The following TMCC1 variants were observed in gnomAD, a reference collection of about 807,000 sequenced individuals.
TMCC1 encodes the protein transmembrane and coiled-coil domains protein 1.
Under a neutral mutation model 52.4 loss-of-function variants are expected in TMCC1, and 15 were observed. The observed-to-expected ratio is 0.29, with a 90% CI of 0.19 to 0.44. The LOEUF is 0.44. Among genes scored for constraint, TMCC1 ranks in the 20% least tolerant of loss-of-function variants. The pLI is 1.00. For missense variants in TMCC1, 503 were observed against 806.0 expected (o/e 0.62, Z 4.55); for synonymous variants, 279 against 301.9 (o/e 0.92, Z 0.79).
In TMCC1 at chr3:129,891,070, T is replaced by A. The variant is rs112953323; in HGVS notation, c.-435+2424A>T. Among the ~76,000 whole-genome samples the A allele has an allele frequency of 4.4e-4, 67 of 152,372 alleles. 2 individuals carry two copies. The highest frequency in any genetic ancestry group is 1.5e-3 in the African/African-American group (63 of 41,592). ...CACTGGAAAACAAGAGCAGCTCATC[T>A]GCACCTGCAGACCTTTGCACTCACT... On this transcript the variant is annotated intron_variant, in intron 1 of 6. Coordinates refer to ENST00000393238, the MANE Select transcript of TMCC1 (RefSeq NM_001017395.5).
At chr3:129,793,752 T>C (rs922821367) in intron 4 of TMCC1, among the ~76,000 whole-genome samples, 8 of 152,220 alleles carry the variant, frequency 5.3e-5, no homozygotes, top group African/African-American at 9.6e-5. Flanking sequence ...GCTGCACACA[T>C]GGAACCTGCT....
chr3:129,849,830 GTA>G (rs890765549), intron 2 of TMCC1, among the ~76,000 whole-genome samples: 1 of 151,010 alleles, frequency 6.6e-6, no homozygotes, highest in Non-Finnish European at 1.5e-5. Flanking sequence ...ATACACCCAT[GTA>G]TATATATGTA....
chr3:129,853,042 T>C (rs1197782812), intron 2 of TMCC1, among the ~76,000 whole-genome samples: 8 of 152,186 alleles, frequency 5.3e-5, no homozygotes, highest in Admixed American at 5.2e-4. Context: ...AAACAGCATT[T>C]CTGGGAAGCA....
intron 2 of TMCC1, among the ~76,000 whole-genome samples, chr3:129,876,286 CAAAAAAAAAAAAA>C (rs61167884): frequency 0.39 from 35,411 of 91,090 alleles, 6,803 homozygotes; most frequent in East Asian, 0.65. Flanking sequence ...ATGCCTGGCT[CAAAAAAAAAAAAA>C]AAAAAAAGAA....
At chr3:129,809,328 A>G (rs747514328) in intron 4 of TMCC1, among the ~76,000 whole-genome samples, 2 of 152,128 alleles carry the variant, frequency 1.3e-5, no homozygotes, top group Admixed American at 1.3e-4. Flanking sequence ...AACATTTAAA[A>G]TAGAAGATTC....
chr3:129,859,901 T>C (rs1560565838), intron 2 of TMCC1, among the ~76,000 whole-genome samples: 1 of 152,098 alleles, frequency 6.6e-6, no homozygotes, highest in Non-Finnish European at 1.5e-5. Context: ...TAGCATACCA[T>C]AATCCAGCCT....
chr3:129,767,138 G>A (rs2054189642), intron 4 of TMCC1, among the ~76,000 whole-genome samples: 1 of 151,720 alleles, frequency 6.6e-6, no homozygotes, highest in South Asian at 2.1e-4. Flanking sequence ...GTTGGGGCCT[G>A]TAATCCCAGC....
At chr3:129,885,097 C>T (rs2061632153) in intron 1 of TMCC1, among the ~76,000 whole-genome samples, 1 of 151,774 alleles carries the variant, frequency 6.6e-6, no homozygotes, top group Admixed American at 6.6e-5. Context: ...TTTGATTGCA[C>T]CACTGCACTC....
chr3:129,704,784 A>G (rs1432139975), intron 4 of TMCC1, among the ~76,000 whole-genome samples: 1 of 152,154 alleles, frequency 6.6e-6, no homozygotes, highest in Non-Finnish European at 1.5e-5. Flanking sequence ...CTCCAACCTC[A>G]TATCAGGCTT....
At chr3:129,839,585 T>C (rs1052415137) in intron 2 of TMCC1, among the ~76,000 whole-genome samples, 3 of 151,992 alleles carry the variant, frequency 2.0e-5, no homozygotes, top group Non-Finnish European at 2.9e-5. Flanking sequence ...CAAGACCTCT[T>C]CTCTACAAAA....
At chr3:129,875,861 C>T (rs568535042) in intron 2 of TMCC1, among the ~76,000 whole-genome samples, 1 of 152,278 alleles carries the variant, frequency 6.6e-6, no homozygotes, top group Admixed American at 6.5e-5. Flanking sequence ...AGGGCCGGTG[C>T]CGTGGCTCAC....
At chr3:129,669,978 C>T (rs770494538) in intron 5 of TMCC1, among the ~76,000 whole-genome samples, 2 of 150,670 alleles carry the variant, frequency 1.3e-5, no homozygotes, top group Middle Eastern at 3.4e-3. Flanking sequence ...GAAGTCACTA[C>T]ATTTTGCTTG....
intron 4 of TMCC1, among the ~76,000 whole-genome samples, chr3:129,690,636 G>A (rs1014765856): frequency 6.6e-6 from 1 of 152,092 alleles, no homozygotes; most frequent in Non-Finnish European, 1.5e-5. Flanking sequence ...AATTGCTAAT[G>A]TGAAGCTCTT....
At chr3:129,781,709 AG>A (rs1279013946) in intron 4 of TMCC1, among the ~76,000 whole-genome samples, 1 of 152,160 alleles carries the variant, frequency 6.6e-6, no homozygotes, top group East Asian at 1.9e-4. Flanking sequence ...ATACCATGTA[AG>A]AGTGAGTGAG....
chr3:129,842,822 G>C (rs907995198), intron 2 of TMCC1, among the ~76,000 whole-genome samples: 1 of 152,046 alleles, frequency 6.6e-6, no homozygotes, highest in Non-Finnish European at 1.5e-5. Context: ...AAGTCATAAG[G>C]AAATTTTAAA....
At chr3:129,806,932 A>G (rs1191109092) in intron 4 of TMCC1, among the ~76,000 whole-genome samples, 1 of 152,142 alleles carries the variant, frequency 6.6e-6, no homozygotes, top group East Asian at 1.9e-4. Flanking sequence ...AAACCACTAA[A>G]CGGTAAGTCA....
At chr3:129,807,099 T>C (rs1370734750) in intron 4 of TMCC1, among the ~76,000 whole-genome samples, 1 of 152,174 alleles carries the variant, frequency 6.6e-6, no homozygotes, top group Non-Finnish European at 1.5e-5. Flanking sequence ...ATGGTATCAT[T>C]TTACAAAGCC....
intron 5 of TMCC1, among the ~76,000 whole-genome samples, chr3:129,667,131 C>T (rs1358817028): frequency 6.7e-6 from 1 of 149,246 alleles, no homozygotes; most frequent in Non-Finnish European, 1.5e-5. Flanking sequence ...TCTCAATCTT[C>T]TGACCTTGTG....
At chr3:129,861,103 G>C (rs967579164) in intron 2 of TMCC1, 33 of 152,322 alleles carry the variant, frequency 2.2e-4, no homozygotes, top group African/African-American at 7.9e-4. Context: ...AAGTTGGAAG[G>C]GGAGTGAAGG....
Sources: allele counts gnomAD v4.1 joint callset (sites outside exome capture counted in the v4.1 genomes callset), GRCh38; gene constraint gnomAD v4.1.1; transcripts MANE v1.5; gene names NCBI Gene and HGNC (gene_info 2026-07-23, HGNC 2026-07-21).